TMEM74: variants seen among roughly 807,000 people sequenced by gnomAD.
TMEM74 encodes the protein transmembrane protein 74.
Under a neutral mutation model 18.1 loss-of-function variants are expected in TMEM74, and 13 were observed. That is an observed-to-expected ratio of 0.72 (90% CI 0.47 to 1.14). The LOEUF (loss-of-function observed/expected upper bound fraction) is 1.14, where lower values mean the gene tolerates loss of function less well. TMEM74 is among the 50% of genes most tolerant of loss of function. The probability of loss-of-function intolerance (pLI) is 0.00; values close to 1 mark genes in which losing one functional copy is unlikely to be tolerated. For synonymous variants in TMEM74, 159 were observed against 146.6 expected, an observed-to-expected ratio of 1.08 and a Z score of -0.61; for missense variants, 372 against 375.9, an observed-to-expected ratio of 0.99 and a Z score of 0.09.
chr8:108,784,366 T>C lies in TMEM74; in HGVS notation c.733A>G (p.Ile245Val). Residue 245 changes from isoleucine (I) to valine (V), a missense_variant, in exon 2 of 2, where the codon ATC (isoleucine) becomes GTC (valine). Ile to Val is a conservative substitution (Grantham distance 29, BLOSUM62 3). Transcript: ENST00000297459. ...GACATCATTAACAAGCAGGACAGGA[T>C]GACGCCCCCCAGCGTGAGGAGGCAG... ...GLCLLTLGGVILSCLLMMSMW... is the reference protein window; with the variant it reads ...GLCLLTLGGVVLSCLLMMSMW... The C allele has an allele frequency of 6.2e-7, 1 of 1,614,064 alleles. No individual in the cohort carries two copies. Among genetic ancestry groups the C allele is most frequent in the African/African-American group, 1.3e-5 (1 of 75,000 alleles).
intron 2 of TMEM74, among the ~76,000 whole-genome samples, chr8:108,649,557 T>C (rs546832607): frequency 2.6e-5 from 4 of 152,318 alleles, no homozygotes; most frequent in African/African-American, 9.6e-5. Context: ...AAAGGTTAAG[T>C]ATCTTATTAG....
intron 2 of TMEM74, among the ~76,000 whole-genome samples, chr8:108,636,175 C>T (rs557066311): frequency 4.6e-5 from 7 of 152,060 alleles, no homozygotes; most frequent in East Asian, 3.9e-4. Context: ...GAATAGAATG[C>T]TGCAGTAACA....
At chr8:108,766,747 G>T (rs1814111861) in intron 1 of TMEM74, among the ~76,000 whole-genome samples, 1 of 152,166 alleles carries the variant, frequency 6.6e-6, no homozygotes, top group South Asian at 2.1e-4. Context: ...AGCCAGTGGT[G>T]ATCAGTCCGA....
At chr8:108,608,394 T>C (rs1812300882) in intron 3 of TMEM74, among the ~76,000 whole-genome samples, 1 of 152,090 alleles carries the variant, frequency 6.6e-6, no homozygotes, top group African/African-American at 2.4e-5. Flanking sequence ...CTGGATCTTA[T>C]TCCCACCTAC....
At chr8:108,623,665 A>G (rs1257887114) in intron 2 of TMEM74, among the ~76,000 whole-genome samples, 1 of 152,034 alleles carries the variant, frequency 6.6e-6, no homozygotes, top group Non-Finnish European at 1.5e-5. Context: ...AGAGTTTGAA[A>G]ATGTATTTCT....
chr8:108,690,941 C>G (rs1417672036), intron 1 of TMEM74, among the ~76,000 whole-genome samples: 1 of 152,154 alleles, frequency 6.6e-6, no homozygotes, highest in Admixed American at 6.5e-5. Context: ...CAGGAGCTCA[C>G]AAAGTTAATG....
At chr8:108,626,747 A>G (rs1180450067) in intron 2 of TMEM74, 1 of 151,976 alleles carries the variant, frequency 6.6e-6, no homozygotes, top group East Asian at 1.9e-4. Flanking sequence ...TAAAAATTCA[A>G]TGTTTTCTTG....
At chr8:108,748,533 G>C (rs1813873847) in intron 1 of TMEM74, among the ~76,000 whole-genome samples, 1 of 151,944 alleles carries the variant, frequency 6.6e-6, no homozygotes. Flanking sequence ...TTACTCTGTT[G>C]ATAGTTTCTT....
intron 2 of TMEM74, among the ~76,000 whole-genome samples, chr8:108,626,205 C>T (rs887980386): frequency 2.0e-5 from 3 of 152,018 alleles, no homozygotes; most frequent in Non-Finnish European, 2.9e-5. Flanking sequence ...ATTTCTAATA[C>T]ATTTATTTTC....
intron 1 of TMEM74, among the ~76,000 whole-genome samples, chr8:108,659,254 A>AACACACACACACACAAACACACAC (rs6150751): frequency 1.0e-4 from 15 of 149,752 alleles, no homozygotes; most frequent in Non-Finnish European, 1.0e-4. Flanking sequence ...ATAGCCCACT[A>AACACACACACACACAAACACACAC]ACACACACAC....
chr8:108,630,920 C>A (rs1563736184), intron 2 of TMEM74, among the ~76,000 whole-genome samples: 1 of 151,972 alleles, frequency 6.6e-6, no homozygotes, highest in Admixed American at 6.6e-5. Context: ...GGACACAAGG[C>A]AGGAACCAGC....
At chr8:108,686,519 A>G (rs924329884) in intron 1 of TMEM74, among the ~76,000 whole-genome samples, 1 of 152,078 alleles carries the variant, frequency 6.6e-6, no homozygotes, top group East Asian at 1.9e-4. Flanking sequence ...TACTTCTTAA[A>G]AAAGACAGAA....
chr8:108,747,556 T>TC (rs920944994), intron 1 of TMEM74, among the ~76,000 whole-genome samples: 3 of 151,814 alleles, frequency 2.0e-5, no homozygotes, highest in Non-Finnish European at 2.9e-5. Flanking sequence ...TCTCTCTCTC[T>TC]TTTTTTTAAA....
chr8:108,640,570 G>A (rs899010011), intron 2 of TMEM74, among the ~76,000 whole-genome samples: 4 of 151,626 alleles, frequency 2.6e-5, no homozygotes, highest in African/African-American at 9.7e-5. Context: ...TCTCAAAATT[G>A]ATCTGTGGAA....
intron 1 of TMEM74, among the ~76,000 whole-genome samples, chr8:108,667,154 C>A (rs900607753): frequency 3.9e-5 from 6 of 152,048 alleles, no homozygotes; most frequent in Non-Finnish European, 8.8e-5. Context: ...TGGCTGTAAT[C>A]TCGTTGATCT....
chr8:108,644,752 G>A (rs1332059899), intron 2 of TMEM74, among the ~76,000 whole-genome samples: 1 of 152,062 alleles, frequency 6.6e-6, no homozygotes, highest in Non-Finnish European at 1.5e-5. Context: ...TGAAAAAAAT[G>A]CTGTAAATCA....
intron 2 of TMEM74, among the ~76,000 whole-genome samples, chr8:108,632,313 T>C (rs1025666957): frequency 6.6e-6 from 1 of 151,978 alleles, no homozygotes; most frequent in Non-Finnish European, 1.5e-5. Context: ...AACAACACTG[T>C]GGTGCATACT....
At chr8:108,724,263 T>A (rs1198759092) in intron 1 of TMEM74, among the ~76,000 whole-genome samples, 1 of 152,216 alleles carries the variant, frequency 6.6e-6, no homozygotes, top group Non-Finnish European at 1.5e-5. Context: ...AAAACACATA[T>A]TCTATTCCAG....
chr8:108,697,302 A>G (rs543259854), intron 1 of TMEM74, among the ~76,000 whole-genome samples: 24 of 152,230 alleles, frequency 1.6e-4, no homozygotes, highest in Non-Finnish European at 3.5e-4. Flanking sequence ...ATAACACAGG[A>G]TGAGAACTAT....
Sources: allele counts gnomAD v4.1 joint callset (sites outside exome capture counted in the v4.1 genomes callset), GRCh38; gene constraint gnomAD v4.1.1; transcripts MANE v1.5; gene names NCBI Gene and HGNC (gene_info 2026-07-23, HGNC 2026-07-21).